The following CRACD variants were observed in gnomAD, a reference collection of about 807,000 sequenced individuals.
CRACD encodes the protein capping protein-inhibiting regulator of actin dynamics.
A neutral mutation model predicts 106.8 loss-of-function variants in CRACD; 56 were observed. The ratio of observed to expected loss-of-function variants is 0.52; its 90% CI spans 0.42 to 0.66. CRACD has a LOEUF of 0.66. CRACD is among the 30% of genes least tolerant of loss of function. CRACD has a pLI of 0.00. For missense variants in CRACD, 1,730 were observed against 1,623.2 expected, an observed-to-expected ratio of 1.07 and a Z score of -1.13; for synonymous variants, 754 against 670.8, an observed-to-expected ratio of 1.12 and a Z score of -1.92.
intron 1 of CRACD, among the ~76,000 whole-genome samples, chr4:56,101,109 A>C (rs1733761411): frequency 6.8e-6 from 1 of 147,446 alleles, no homozygotes; most frequent in African/African-American, 2.5e-5. Flanking sequence ...CAGTCTCCTT[A>C]TTTATAGAGA....
intron 2 of CRACD, among the ~76,000 whole-genome samples, chr4:56,187,576 A>T (rs955676963): frequency 6.6e-6 from 1 of 152,118 alleles, no homozygotes; most frequent in Non-Finnish European, 1.5e-5. Flanking sequence ...AAAGCCAAAA[A>T]ATACCCCAAA....
intron 2 of CRACD, among the ~76,000 whole-genome samples, chr4:56,199,714 AGAG>A (rs948555432): frequency 1.7e-4 from 26 of 151,972 alleles, no homozygotes; most frequent in African/African-American, 5.8e-4. Flanking sequence ...AAAAAGAAAA[AGAG>A]AACCTAATAT....
chr4:56,243,136 G>T (rs1049325405), intron 2 of CRACD, among the ~76,000 whole-genome samples: 6 of 152,204 alleles, frequency 3.9e-5, no homozygotes, highest in African/African-American at 1.4e-4. Context: ...TTCCCCTACA[G>T]TGGGCTGTGT....
At chr4:56,172,422 C>G (rs1035783573) in intron 1 of CRACD, among the ~76,000 whole-genome samples, 1 of 152,216 alleles carries the variant, frequency 6.6e-6, no homozygotes, top group African/African-American at 2.4e-5. Context: ...GGCATCATGA[C>G]TTGCAGAAGT....
intron 1 of CRACD, among the ~76,000 whole-genome samples, chr4:56,146,797 A>C (rs11931278): frequency 0.031 from 4,666 of 152,132 alleles, 82 homozygotes; most frequent in African/African-American, 0.052. Flanking sequence ...TGCAACTATC[A>C]TTGTAACTGG....
intron 1 of CRACD, among the ~76,000 whole-genome samples, chr4:56,157,718 G>T (rs1159111249): frequency 6.6e-6 from 1 of 152,134 alleles, no homozygotes; most frequent in Non-Finnish European, 1.5e-5. Flanking sequence ...TTTCAGGGGA[G>T]TCCCATTTCA....
At chr4:56,289,581 G>A (rs563023495) in intron 3 of CRACD, among the ~76,000 whole-genome samples, 1 of 152,074 alleles carries the variant, frequency 6.6e-6, no homozygotes. Context: ...GCTGAGGTGG[G>A]AGGATCCCTT....
At chr4:56,242,138 T>A (rs1336970502) in intron 2 of CRACD, among the ~76,000 whole-genome samples, 2 of 152,108 alleles carry the variant, frequency 1.3e-5, no homozygotes, top group African/African-American at 4.8e-5. Context: ...CTGTACAGAT[T>A]TAGTTAAGTA....
rs77181450 is a variant in CRACD, at chr4:56,228,940, T to C, written c.-188-43381T>C. Among the ~76,000 whole-genome samples the C allele has an allele frequency of 7.3e-3, 1,108 of 152,308 alleles. 13 individuals carry two copies. The highest frequency in any genetic ancestry group is 0.025 in the African/African-American group (1,055 of 41,560). On this transcript the variant is annotated intron_variant, in intron 2 of 10. Transcript: ENST00000682029. ...CATATAAAATCCTTGAGCCTATGTATTTGACAAACGACAAGTACATATCAC... is the reference window on the plus strand; with the variant it reads ...CATATAAAATCCTTGAGCCTATGTACTTGACAAACGACAAGTACATATCAC...
At chr4:56,089,509 ATTTTTTTTTTT>A (rs761380094) in intron 1 of CRACD, among the ~76,000 whole-genome samples, 1 of 124,316 alleles carries the variant, frequency 8.0e-6, no homozygotes, top group Non-Finnish European at 1.7e-5. Flanking sequence ...GTATTATAGG[ATTTTTTTTTTT>A]TTTTTTTTTT....
intron 2 of CRACD, among the ~76,000 whole-genome samples, chr4:56,201,383 G>T (rs1577734739): frequency 6.6e-6 from 1 of 152,172 alleles, no homozygotes; most frequent in African/African-American, 2.4e-5. Flanking sequence ...GCATTCTAGG[G>T]CATGAAAACA....
intron 1 of CRACD, among the ~76,000 whole-genome samples, chr4:56,063,813 G>A (rs1732368253): frequency 6.6e-6 from 1 of 152,128 alleles, no homozygotes; most frequent in Non-Finnish European, 1.5e-5. Context: ...ATGAACATTG[G>A]TGTACAGGTA....
intron 1 of CRACD, among the ~76,000 whole-genome samples, chr4:56,124,292 T>G (rs1431400002): frequency 1.3e-5 from 2 of 152,182 alleles, no homozygotes; most frequent in South Asian, 2.1e-4. Flanking sequence ...TAGAGAGAGA[T>G]AGTATAATAA....
intron 6 of CRACD, chr4:56,311,320 G>A (rs1244176082): frequency 6.5e-6 from 1 of 153,074 alleles, no homozygotes; most frequent in African/African-American, 2.4e-5. Flanking sequence ...CCCAAGGCCT[G>A]GCAGACAGTA....
chr4:56,308,858 C>T, intron 5 of CRACD: 1 of 1,288,698 alleles, frequency 7.8e-7, no homozygotes, highest in Non-Finnish European at 1.0e-6. Flanking sequence ...AAGCAAATGT[C>T]CTCACAGTTA....
At chr4:56,180,300 G>A (rs112312426) in intron 2 of CRACD, among the ~76,000 whole-genome samples, 6 of 152,124 alleles carry the variant, frequency 3.9e-5, no homozygotes, top group African/African-American at 1.4e-4. Context: ...GACCAGCCTG[G>A]CCAACACGGT....
intron 1 of CRACD, among the ~76,000 whole-genome samples, chr4:56,178,597 A>G (rs1373999254): frequency 2.0e-5 from 3 of 152,188 alleles, no homozygotes; most frequent in African/African-American, 7.2e-5. Flanking sequence ...CTCTAAGCCC[A>G]TACAAGCCAA....
At chr4:56,103,962 CG>C in intron 1 of CRACD, among the ~76,000 whole-genome samples, 1 of 152,192 alleles carries the variant, frequency 6.6e-6, no homozygotes, top group East Asian at 1.9e-4. Flanking sequence ...TTACTAGAGA[CG>C]GGGTTTCACC....
intron 1 of CRACD, among the ~76,000 whole-genome samples, chr4:56,110,638 C>T (rs1734087975): frequency 3.9e-5 from 6 of 152,064 alleles, no homozygotes. Flanking sequence ...ATTCTGTAGC[C>T]CAGGCTGGAG....
Sources: allele counts gnomAD v4.1 joint callset (sites outside exome capture counted in the v4.1 genomes callset), GRCh38; gene constraint gnomAD v4.1.1; transcripts MANE v1.5; gene names NCBI Gene and HGNC (gene_info 2026-07-23, HGNC 2026-07-21).